SGSM3: variants seen among roughly 807,000 people sequenced by gnomAD.
The protein encoded by SGSM3 is RUN and SH3 containing 3.
SGSM3 carries 96 observed loss-of-function variants against 100.5 expected under a neutral mutation model. The ratio of observed to expected loss-of-function variants is 0.96; its 90% confidence interval spans 0.81 to 1.13. The LOEUF is 1.13. Among genes scored for constraint, SGSM3 ranks in the 50% most tolerant of loss-of-function variants. The pLI, the probability that SGSM3 is intolerant of heterozygous loss-of-function variation, is 0.00. For missense variants in SGSM3, 1,001 were observed against 1,015.8 expected, an observed-to-expected ratio of 0.99 and a Z score of 0.20; for synonymous variants, 483 against 422.8, an observed-to-expected ratio of 1.14 and a Z score of -1.75.
At chr22:40,405,046 T>TC in intron 6 of SGSM3, 95 bp from the exon 7 acceptor site, 1 of 1,414,960 alleles carries the variant, frequency 7.1e-7, no homozygotes, top group Non-Finnish European at 9.4e-7. Context: ...ACACAAGGAA[T>TC]CCCCATTTCT....
At position 40,398,852 on chromosome 22, in the gene SGSM3, T is replaced by A. The variant is rs1569188124; in HGVS notation, c.-111-1844T>A. Among the ~76,000 whole-genome samples, 2 of 140,920 alleles carry A rather than the reference T, an allele frequency of 1.4e-5. 1 individual carries two copies. 92.4% of individuals were successfully genotyped at this position (140,920 alleles called of 152,430 possible). On this transcript the variant is annotated intron_variant, in intron 1 of 21. Coordinates refer to ENST00000248929, the MANE Select transcript of SGSM3 (RefSeq NM_015705.6). ...TAATCCTCATAACCACAGTAAGGCA[T>A]AGGTATTATTATTCCATTCTATCGA...
chr22:40,389,695 G>A (rs1348044683), intron 1 of SGSM3, among the ~76,000 whole-genome samples: 1 of 151,002 alleles, frequency 6.6e-6, no homozygotes, highest in African/African-American at 2.4e-5. Flanking sequence ...ATCACCTGAG[G>A]TCAGGAGTTC....
chr22:40,404,701 C>T (rs760497292), intron 6 of SGSM3, 37 bp downstream of exon 6: 4 of 1,461,942 alleles, frequency 2.7e-6, no homozygotes, highest in Non-Finnish European at 9.5e-7. Flanking sequence ...GAGCTGGAGG[C>T]TGTGTGGGCT....
chr22:40,405,947 G>C, intron 8 of SGSM3, 103 bp downstream of exon 8: 1 of 1,477,502 alleles, frequency 6.8e-7, no homozygotes, highest in South Asian at 1.3e-5. Flanking sequence ...GGTCTTTGTC[G>C]CTCTTTTGTT....
chr22:40,408,764 G>C (rs765601598), intron 17 of SGSM3, 30 bp from the exon 18 acceptor site: 1 of 1,613,840 alleles, frequency 6.2e-7, no homozygotes, highest in East Asian at 2.2e-5. Context: ...ACCCAGCCCC[G>C]GCACCCCAGG....
chr22:40,405,420 CG>C, intron 7 of SGSM3, 136 bp downstream of exon 7: 1 of 949,346 alleles, frequency 1.1e-6, no homozygotes. Context: ...CCTCCCACTC[CG>C]GGGCGTCCCC....
Position 40,407,743 on chromosome 22 carries a change from C to G in SGSM3, c.1525-46C>G. 6.2e-7 allele frequency: 1 copy of G among 1,607,734 alleles called. No homozygotes were observed. On this transcript the variant is annotated intron_variant, in intron 13 of 21. Coordinates refer to ENST00000248929, the MANE Select transcript of SGSM3 (RefSeq NM_015705.6). This position sits in a 1 kb window ranked among gnomAD's most constrained non-coding sequence, Gnocchi z 4.7. ...ATATCGGGGGTGCAGGAGGCGCTGG[C>G]CCAGGGCACCCAGCTTTGGTTCCTG...
intron 1 of SGSM3, among the ~76,000 whole-genome samples, chr22:40,397,670 T>A (rs2050212692): frequency 1.3e-5 from 2 of 152,150 alleles, no homozygotes; most frequent in Admixed American, 1.3e-4. Context: ...TCCCACTCTT[T>A]CCTTCTCATT....
At chr22:40,404,694 C>T in intron 6 of SGSM3, 30 bp downstream of exon 6, 1 of 1,522,008 alleles carries the variant, frequency 6.6e-7, no homozygotes, top group Non-Finnish European at 9.1e-7. Context: ...GCAGGAAGAG[C>T]TGGAGGCTGT....
intron 1 of SGSM3, among the ~76,000 whole-genome samples, chr22:40,396,065 A>G (rs2050006628): frequency 6.6e-6 from 1 of 151,906 alleles, no homozygotes; most frequent in African/African-American, 2.4e-5. Context: ...GTATTCATAT[A>G]TTTTTTCCTT....
At position 40,406,235 on chromosome 22, in the gene SGSM3, C is replaced by G. The variant is rs144841645; in HGVS notation, c.960+12C>G. ...TGCTGCACCTCAAGGTGCTCCACGG[C>G]CCCACTTCAGGCTGAGGAGTAGGCA... On this transcript the variant is annotated intron_variant, in intron 9 of 21. Transcript: ENST00000248929. The G allele has an allele frequency of 3.1e-6, 5 of 1,613,534 alleles. No homozygotes were observed. In the African/African-American group the frequency reaches 6.7e-5, roughly 21 times the overall value.
Position 40,407,717 on chromosome 22 carries a change from C to T in SGSM3, c.1525-72C>T. On this transcript the variant is annotated intron_variant, in intron 13 of 21. Transcript: ENST00000248929. This position sits in a 1 kb window ranked among gnomAD's most constrained non-coding sequence, Gnocchi z 4.7. ...TGGCCTGGCCTAGTTGCTGAGGAGT[C>T]ATATCGGGGGTGCAGGAGGCGCTGG... 6.3e-7 allele frequency: 1 copy of T among 1,588,812 alleles called. No homozygotes were observed. The highest frequency in any genetic ancestry group is 8.6e-7 in the Non-Finnish European group (1 of 1,157,260).
rs911542932 is a variant in SGSM3, at chr22:40,399,216, C to G, written c.-111-1480C>G. 4.8e-5 allele frequency among the ~76,000 whole-genome samples: 7 copies of G among 146,174 alleles called. 2 individuals carry two copies. Among genetic ancestry groups the G allele is most frequent in the African/African-American group, 1.8e-4 (7 of 39,718 alleles). ...GGCCAAGCTGGTCTCAAACTCCTGG[C>G]CTCAAGTGATCCGCCCACCTCAGCC... is the stretch of plus-strand genomic sequence containing the variant. On this transcript the variant is annotated intron_variant, in intron 1 of 21. Transcript: ENST00000248929.
rs754871406 is a variant in SGSM3 at position 40,409,541 on chromosome 22, C to T, written c.2172+16C>T. On this transcript the variant is annotated intron_variant, in intron 21 of 21. Coordinates refer to ENST00000248929, the MANE Select transcript of SGSM3 (RefSeq NM_015705.6). ...GAAGAGAGAGGTGGGTGGTGTGGGC[C>T]TCGTAGGGCCTGCACTGATGGAGCT... 1 of 1,606,134 alleles carries T rather than the reference C, an allele frequency of 6.2e-7. No individual in the cohort carries two copies. The highest frequency in any genetic ancestry group is 8.5e-7 in the Non-Finnish European group (1 of 1,177,154).
At position 40,406,553 on chromosome 22, in the gene SGSM3, G is replaced by T. The variant is rs1046035271; in HGVS notation, c.1076G>T (p.Gly359Val). 8 of 1,612,920 alleles carry T rather than the reference G, an allele frequency of 5.0e-6. No homozygotes were observed. The highest frequency in any genetic ancestry group is 6.8e-6 in the Non-Finnish European group (8 of 1,179,850). Residue 359 changes from glycine to valine, a missense_variant, in exon 10 of 22, where the codon GGC (glycine) becomes GTC (valine). Gly to Val is a moderately radical substitution (Grantham distance 109). Coordinates refer to ENST00000248929, the MANE Select transcript of SGSM3 (RefSeq NM_015705.6). ...LLLGVAMRLA[G>V]SLTDVAVETQ... ...CTGGGGGTGGCCATGCGGCTGGCCG[G>T]CTCCCTCACCGATGTGGCCGTGGAG...
Position 40,408,841 on chromosome 22 carries a change from G to A in SGSM3, c.1901G>A (p.Arg634Gln), listed in dbSNP as rs137920402. The change falls in exon 18 of 22, where the codon CGG (arginine) becomes CAG (glutamine). Residue 634 changes from arginine (R) to glutamine (Q), a missense_variant and splice_region_variant. By Grantham distance (43) the Arg-to-Gln change is conservative. Coordinates refer to ENST00000248929, the MANE Select transcript of SGSM3 (RefSeq NM_015705.6). ...CTGACCCCGGAGGAGCTGCTCTACC[G>A]GGTAAGGGGGCCTCCTCTGCCAGAC... is the stretch of plus-strand genomic sequence containing the variant. ...KVLTPEELLY[R>Q]AVQSVNVTHD... 1.2e-4 allele frequency: 198 copies of A among 1,613,738 alleles called. No homozygotes were observed. The highest frequency in any genetic ancestry group is 1.5e-4 in the Non-Finnish European group (179 of 1,180,028).
At chr22:40,381,513 A>G (rs941265117) in intron 1 of SGSM3, among the ~76,000 whole-genome samples, 4 of 152,218 alleles carry the variant, frequency 2.6e-5, no homozygotes, top group Admixed American at 1.3e-4. Flanking sequence ...GAAGTATTAT[A>G]TTATTACTCC....
At chr22:40,408,006 C>G in intron 14 of SGSM3, 65 bp from the exon 15 acceptor site, 1 of 1,550,630 alleles carries the variant, frequency 6.4e-7, no homozygotes, top group East Asian at 2.3e-5. Flanking sequence ...AGCCTGCCTG[C>G]AGGCTGTGTC....
chr22:40,383,853 AG>A (rs1601815829), intron 1 of SGSM3, among the ~76,000 whole-genome samples: 1 of 152,314 alleles, frequency 6.6e-6, no homozygotes, highest in East Asian at 1.9e-4. Context: ...GAAAAGTGGC[AG>A]GGAGGGTCTG....
Sources: allele counts gnomAD v4.1 joint callset (sites outside exome capture counted in the v4.1 genomes callset), GRCh38; gene constraint gnomAD v4.1.1; non-coding constraint Gnocchi (gnomAD v3.1); transcripts MANE v1.5; gene names NCBI Gene and HGNC (gene_info 2026-07-23, HGNC 2026-07-21).